The following NRCAM variants were observed in gnomAD, a reference collection of about 807,000 sequenced individuals.
NRCAM encodes the protein neuronal cell adhesion molecule.
NRCAM carries 83 observed loss-of-function variants against 156.5 expected under a neutral mutation model. That is an observed-to-expected ratio of 0.53 (90% CI 0.44 to 0.64). NRCAM has a LOEUF of 0.64. Ranked by LOEUF, NRCAM falls within the 30% of genes least tolerant of loss-of-function variation. The pLI is 0.00. For missense variants in NRCAM, 1,417 were observed against 1,597.3 expected, an observed-to-expected ratio of 0.89 and a Z score of 1.92; for synonymous variants, 538 against 563.9, an observed-to-expected ratio of 0.95 and a Z score of 0.65.
chr7:108,303,881 T>C (rs888330092), intron 3 of NRCAM, among the ~76,000 whole-genome samples: 2 of 152,204 alleles, frequency 1.3e-5, no homozygotes, highest in Admixed American at 6.5e-5. Flanking sequence ...ACAATACAGA[T>C]ACATAATATA....
chr7:108,405,783 A>G (rs1386556063), intron 1 of NRCAM, among the ~76,000 whole-genome samples: 1 of 152,186 alleles, frequency 6.6e-6, no homozygotes, highest in Non-Finnish European at 1.5e-5. Flanking sequence ...GTTCCAGGAA[A>G]AAGCCAGCAG....
chr7:108,209,753 T>C, intron 11 of NRCAM, 148 bp from the exon 12 acceptor site: 1 of 624,540 alleles, frequency 1.6e-6, no homozygotes, highest in South Asian at 2.2e-5. Context: ...CACACTTTTA[T>C]AAATAATGCT....
rs939100116 is a variant in NRCAM, at chr7:108,159,528, T to C, written c.3612A>G (p.Glu1204=). Reference sequence around the variant, plus strand: ...GGATTTCAGGGTCAGCATGGGCATCTTCCTTTTCTTTAACTAAAAAATGCC... The same window carrying C: ...GGATTTCAGGGTCAGCATGGGCATCCTCCTTTTCTTTAACTAAAAAATGCC... ...KGGKYPVKEK[E]DAHADPEIQP... The change falls in exon 32 of 33, where the codon GAA becomes GAG. Residue 1204 remains glutamate (E), a synonymous_variant. Transcript: ENST00000379028. 1.9e-6 allele frequency: 3 copies of C among 1,613,144 alleles called. No individual in the cohort carries two copies. Among genetic ancestry groups the C allele is most frequent in the Non-Finnish European group, 2.5e-6 (3 of 1,179,372 alleles).
chr7:108,390,880 G>A (rs2099757484), intron 2 of NRCAM, among the ~76,000 whole-genome samples: 1 of 151,290 alleles, frequency 6.6e-6, no homozygotes, highest in African/African-American at 2.4e-5. Context: ...TAGTTGAGCA[G>A]TTTTGAATGA....
At chr7:108,438,432 G>GA (rs1457911686) in intron 1 of NRCAM, among the ~76,000 whole-genome samples, 42 of 152,206 alleles carry the variant, frequency 2.8e-4, no homozygotes, top group African/African-American at 7.5e-4. Context: ...AAAAGATGCA[G>GA]AAAATGCATT....
At chr7:108,383,764 G>A (rs2099716073) in intron 2 of NRCAM, among the ~76,000 whole-genome samples, 1 of 152,140 alleles carries the variant, frequency 6.6e-6, no homozygotes, top group South Asian at 2.1e-4. Context: ...CAAGAACCTG[G>A]GGAAATATAA....
intron 2 of NRCAM, among the ~76,000 whole-genome samples, chr7:108,329,739 G>C (rs1368199026): frequency 6.6e-6 from 1 of 152,134 alleles, no homozygotes; most frequent in South Asian, 2.1e-4. Context: ...TATTGTCAGA[G>C]AGATCAACAA....
intron 1 of NRCAM, among the ~76,000 whole-genome samples, chr7:108,415,499 T>C (rs1800432967): frequency 6.6e-6 from 1 of 152,302 alleles, no homozygotes; most frequent in African/African-American, 2.4e-5. Flanking sequence ...CAATGAGAAA[T>C]GGGCATGGCA....
At chr7:108,291,055 C>T (rs1034291428) in intron 3 of NRCAM, among the ~76,000 whole-genome samples, 5 of 152,074 alleles carry the variant, frequency 3.3e-5, no homozygotes, top group Non-Finnish European at 5.9e-5. Flanking sequence ...ATTTCCAATG[C>T]GAAAACCGGC....
intron 2 of NRCAM, among the ~76,000 whole-genome samples, chr7:108,314,532 C>T (rs2052313): frequency 0.55 from 83,843 of 151,894 alleles, 24,368 homozygotes; most frequent in East Asian, 0.82. Context: ...AACATCCACG[C>T]GAAAAATGTA....
chr7:108,340,741 C>T (rs890503643), intron 2 of NRCAM, among the ~76,000 whole-genome samples: 6 of 152,140 alleles, frequency 3.9e-5, no homozygotes, highest in African/African-American at 1.4e-4. Flanking sequence ...GGAAGAAAAT[C>T]CTACCGCCTT....
chr7:108,315,094 C>T (rs1318954240), intron 2 of NRCAM, among the ~76,000 whole-genome samples: 7 of 150,528 alleles, frequency 4.7e-5, no homozygotes, highest in Admixed American at 4.6e-4. Flanking sequence ...ATTATGAAAA[C>T]TTTATACGCA....
intron 11 of NRCAM, among the ~76,000 whole-genome samples, chr7:108,218,100 A>G (rs1194046625): frequency 6.6e-6 from 1 of 151,442 alleles, no homozygotes; most frequent in Non-Finnish European, 1.5e-5. Context: ...CCATGGGCAA[A>G]GCATACTATC....
At chr7:108,186,979 T>C (rs2067231432) in intron 20 of NRCAM, among the ~76,000 whole-genome samples, 1 of 152,204 alleles carries the variant, frequency 6.6e-6, no homozygotes. Flanking sequence ...CATGTGACGT[T>C]TGACAGATGT....
At chr7:108,250,225 C>T (rs182768881) in intron 3 of NRCAM, among the ~76,000 whole-genome samples, 69 of 152,032 alleles carry the variant, frequency 4.5e-4, no homozygotes, top group African/African-American at 1.6e-3. Flanking sequence ...TCAAAACCAG[C>T]CTGGATAACA....
At chr7:108,224,373 TAG>T (rs1279653951) in intron 10 of NRCAM, among the ~76,000 whole-genome samples, 1 of 152,046 alleles carries the variant, frequency 6.6e-6, no homozygotes, top group Non-Finnish European at 1.5e-5. Flanking sequence ...AAAACAAAAG[TAG>T]AGAGTTACTG....
intron 2 of NRCAM, among the ~76,000 whole-genome samples, chr7:108,348,906 A>G (rs74572009): frequency 6.1e-5 from 1 of 16,436 alleles, no homozygotes; most frequent in Non-Finnish European, 1.2e-4. Flanking sequence ...CCATCTCAGG[A>G]AAAAAAAAAA....
At chr7:108,208,278 C>G (rs183584383) in intron 12 of NRCAM, among the ~76,000 whole-genome samples, 3 of 152,102 alleles carry the variant, frequency 2.0e-5, no homozygotes, top group African/African-American at 7.2e-5. Flanking sequence ...ACACTCCAGC[C>G]TGGGCAACAG....
chr7:108,369,275 T>C (rs1247495957), intron 2 of NRCAM, among the ~76,000 whole-genome samples: 1 of 152,092 alleles, frequency 6.6e-6, no homozygotes, highest in East Asian at 1.9e-4. Context: ...TCCACCCACA[T>C]ACATTTTGAC....
Sources: allele counts gnomAD v4.1 joint callset (sites outside exome capture counted in the v4.1 genomes callset), GRCh38; gene constraint gnomAD v4.1.1; transcripts MANE v1.5; gene names NCBI Gene and HGNC (gene_info 2026-07-23, HGNC 2026-07-21).